EIF2AK1: variants seen among roughly 807,000 people sequenced by gnomAD.
EIF2AK1 encodes the protein eukaryotic translation initiation factor 2-alpha kinase 1.
EIF2AK1 carries 54 observed loss-of-function variants against 77.9 expected under a neutral mutation model. The observed-to-expected ratio is 0.69, with a 90% confidence interval of 0.56 to 0.87. The LOEUF is 0.87. Ranked by LOEUF, EIF2AK1 falls within the 40% of genes least tolerant of loss-of-function variation. The probability of loss-of-function intolerance (pLI) is 0.00; values close to 1 mark genes in which losing one functional copy is unlikely to be tolerated. For missense variants in EIF2AK1, 810 were observed against 768.6 expected (o/e 1.05, Z -0.64); for synonymous variants, 314 against 290.5 (o/e 1.08, Z -0.82).
Position 6,033,733 on chromosome 7 carries a change from C to A in EIF2AK1, c.1332+3691G>T, listed in dbSNP as rs894872478. Among the ~76,000 whole-genome samples the A allele has an allele frequency of 2.6e-5, 4 of 151,932 alleles. No homozygotes were observed. Among genetic ancestry groups the A allele is most frequent in the African/African-American group, 9.7e-5 (4 of 41,390 alleles). On this transcript the variant is annotated intron_variant, in intron 11 of 14. Transcript: ENST00000199389. The surrounding 1 kb of genome is among the most constrained non-coding windows in gnomAD (Gnocchi z 4.4). ...TACAGGCGCCTGCCACCACGCCTGGCTAATTTTTTGTATTTTTAGTAGAGA... is the reference window on the plus strand; with the variant it reads ...TACAGGCGCCTGCCACCACGCCTGGATAATTTTTTGTATTTTTAGTAGAGA...
At position 6,036,266 on chromosome 7, in the gene EIF2AK1, C is replaced by G; in HGVS notation, c.1332+1158G>C. 1 of 1,549,964 alleles carries G rather than the reference C, an allele frequency of 6.5e-7. No homozygotes were observed. Among genetic ancestry groups the G allele is most frequent in the Non-Finnish European group, 8.7e-7 (1 of 1,146,854 alleles). Reference sequence around the variant, plus strand: ...AAAAACCTTTATCCCTACAGGGTATCTGCAAAAGAAACATCAGGAATATTT... The same window carrying G: ...AAAAACCTTTATCCCTACAGGGTATGTGCAAAAGAAACATCAGGAATATTT... On this transcript the variant is annotated intron_variant, in intron 11 of 14. Transcript: ENST00000199389. This position sits in a 1 kb window ranked among gnomAD's most constrained non-coding sequence, Gnocchi z 4.6.
chr7:6,043,541 G>T (rs1158237825), intron 7 of EIF2AK1, among the ~76,000 whole-genome samples: 1 of 151,978 alleles, frequency 6.6e-6, no homozygotes, highest in Non-Finnish European at 1.5e-5. Context: ...TGATTCTGCT[G>T]CCTCAGCCTC....
chr7:6,042,323 G>A (rs564974411), intron 8 of EIF2AK1, among the ~76,000 whole-genome samples: 35 of 151,900 alleles, frequency 2.3e-4, no homozygotes, highest in Admixed American at 2.0e-3. Flanking sequence ...TGGTGGTGCA[G>A]GCCTATAATC....
chr7:6,056,607 A>T (rs1788771553), intron 1 of EIF2AK1, among the ~76,000 whole-genome samples: 1 of 27,302 alleles, frequency 3.7e-5, no homozygotes, highest in South Asian at 9.3e-4. Flanking sequence ...GGAAAAAAAA[A>T]AAAAAAATAT....
chr7:6,036,451 A>T lies in EIF2AK1; in HGVS notation c.1332+973T>A. 1.6e-6 allele frequency: 2 copies of T among 1,222,512 alleles called. No individual in the cohort carries two copies. Among genetic ancestry groups the T allele is most frequent in the Non-Finnish European group, 2.2e-6 (2 of 915,784 alleles). 75.7% of individuals were successfully genotyped at this position (1,222,512 alleles called of 1,614,324 possible). On this transcript the variant is annotated intron_variant, in intron 11 of 14. Coordinates refer to ENST00000199389, the MANE Select transcript of EIF2AK1 (RefSeq NM_014413.4). This position sits in a 1 kb window ranked among gnomAD's most constrained non-coding sequence, Gnocchi z 4.6. ...CACTCAAACTGCATTTTCTGGCTAG[A>T]CATGTCCCAGAAAATGCTTCACCTA...
chr7:6,056,613 A>AAAAAATATATATATATATATATAT, intron 1 of EIF2AK1, among the ~76,000 whole-genome samples: 3 of 43,738 alleles, frequency 6.9e-5, no homozygotes, highest in Non-Finnish European at 9.4e-5. Context: ...AAAAAAAAAA[A>AAAAAATATATATATATATATATAT]ATATATATAT....
rs1245566906 is a variant in EIF2AK1 at position 6,024,063 on chromosome 7, G to C, written c.*610C>G. On this transcript the variant is annotated 3_prime_UTR_variant, in exon 15 of 15. Transcript: ENST00000199389. Reference sequence around the variant, plus strand: ...GATCTGAGCTGCCTGGAGATCATCTGGGGTGCGGAGTACAAAGCTTTGCAA... The same window carrying C: ...GATCTGAGCTGCCTGGAGATCATCTCGGGTGCGGAGTACAAAGCTTTGCAA... The C allele has an allele frequency of 2.3e-6, 3 of 1,306,736 alleles. No individual in the cohort carries two copies. Among genetic ancestry groups the C allele is most frequent in the Non-Finnish European group, 3.0e-6 (3 of 1,001,154 alleles). 80.9% of individuals were successfully genotyped at this position (1,306,736 alleles called of 1,614,324 possible).
chr7:6,038,307 C>T (rs983783257), intron 10 of EIF2AK1, among the ~76,000 whole-genome samples: 1 of 152,082 alleles, frequency 6.6e-6, no homozygotes, highest in Non-Finnish European at 1.5e-5. Context: ...TAGTGGCATG[C>T]ACCTGTAGTC....
rs1160411494 is a variant in EIF2AK1 at position 6,023,404 on chromosome 7, A to G, written c.*1269T>C. Reference sequence around the variant, plus strand: ...GTTCTCTCTGTTTGGCCAGAAGCATAATGCTGTCAACGCAACCCTTATAGA... The same window carrying G: ...GTTCTCTCTGTTTGGCCAGAAGCATGATGCTGTCAACGCAACCCTTATAGA... On this transcript the variant is annotated 3_prime_UTR_variant, in exon 15 of 15. Transcript: ENST00000199389. 23 of 1,614,244 alleles carry G rather than the reference A, an allele frequency of 1.4e-5. No homozygotes were observed. Among genetic ancestry groups the G allele is most frequent in the Non-Finnish European group, 1.9e-5 (23 of 1,180,052 alleles).
chr7:6,058,029 A>G, intron 1 of EIF2AK1: 1 of 402,642 alleles, frequency 2.5e-6, no homozygotes, highest in Non-Finnish European at 4.9e-6. Context: ...GGACTCTTTC[A>G]CCTAGTTAGA....
intron 2 of EIF2AK1, among the ~76,000 whole-genome samples, chr7:6,051,265 TTTTC>T (rs1338451660): frequency 4.0e-5 from 6 of 150,612 alleles, no homozygotes; most frequent in Non-Finnish European, 3.0e-5. Flanking sequence ...GGACATTTTT[TTTTC>T]TTTCTTTTTT....
intron 7 of EIF2AK1, 111 bp from the exon 8 acceptor site, chr7:6,043,104 A>G: frequency 9.2e-7 from 1 of 1,092,082 alleles, no homozygotes; most frequent in Non-Finnish European, 1.3e-6. Flanking sequence ...AAGTCTAAAA[A>G]TGTCATGACC....
At chr7:6,058,848 C>T in intron 1 of EIF2AK1, 118 bp downstream of exon 1, 1 of 915,742 alleles carries the variant, frequency 1.1e-6, no homozygotes. Flanking sequence ...GCCGGTTCAA[C>T]CCTGGAGGCA....
At chr7:6,041,613 A>C (rs1023484551) in intron 8 of EIF2AK1, among the ~76,000 whole-genome samples, 1 of 151,956 alleles carries the variant, frequency 6.6e-6, no homozygotes, top group Non-Finnish European at 1.5e-5. Context: ...AGGCCAAGGC[A>C]GACAGATCAC....
chr7:6,054,035 T>C (rs1410299343), intron 2 of EIF2AK1, among the ~76,000 whole-genome samples: 1 of 151,968 alleles, frequency 6.6e-6, no homozygotes, highest in East Asian at 1.9e-4. Flanking sequence ...TCTGCTGTGC[T>C]ATCAAATACT....
intron 1 of EIF2AK1, among the ~76,000 whole-genome samples, chr7:6,056,598 G>GACAAAAAAAA (rs1788770384): frequency 2.0e-5 from 1 of 48,816 alleles, no homozygotes; most frequent in Non-Finnish European, 4.0e-5. Flanking sequence ...CATCTCAAGG[G>GACAAAAAAAA]AAAAAAAAAA....
rs1275484531 is a variant in EIF2AK1, at chr7:6,035,518, C to G, written c.1332+1906G>C. Reference sequence around the variant, plus strand: ...GTCACTTCCACCACGTGGGCAAAACCAGGCAACAGAACGCACAGGATCCTG... The same window carrying G: ...GTCACTTCCACCACGTGGGCAAAACGAGGCAACAGAACGCACAGGATCCTG... On this transcript the variant is annotated intron_variant, in intron 11 of 14. Coordinates refer to ENST00000199389, the MANE Select transcript of EIF2AK1 (RefSeq NM_014413.4). This position sits in a 1 kb window ranked among gnomAD's most constrained non-coding sequence, Gnocchi z 5.5. 1.3e-6 allele frequency: 2 copies of G among 1,551,204 alleles called. No homozygotes were observed. Among genetic ancestry groups the G allele is most frequent in the Non-Finnish European group, 1.7e-6 (2 of 1,147,130 alleles).
In EIF2AK1 at chr7:6,027,045, A is replaced by G. The variant is rs1203079143; in HGVS notation, c.1531-84T>C. The G allele has an allele frequency of 4.5e-6, 5 of 1,116,900 alleles. No homozygotes were observed. In the African/African-American group the frequency reaches 4.6e-5, roughly 10 times the overall value. 69.2% of individuals were successfully genotyped at this position (1,116,900 alleles called of 1,614,324 possible). ...CATTTCCGTGTTCCACCCTCCAAAC[A>G]GGAGAGGGTTTCTAAGAATGAGGAT... is the stretch of plus-strand genomic sequence containing the variant. On this transcript the variant is annotated intron_variant, in intron 13 of 14. Transcript: ENST00000199389. The surrounding 1 kb of genome is among the most constrained non-coding windows in gnomAD (Gnocchi z 4.5).
rs761683113 is a variant in EIF2AK1, at chr7:6,035,896, C to T, written c.1332+1528G>A. 7.4e-5 allele frequency: 115 copies of T among 1,546,310 alleles called. No individual in the cohort carries two copies. The highest frequency in any genetic ancestry group is 5.4e-4 in the South Asian group (45 of 83,356). ...AGCAAAGCAGGCCGACTCCTCGGGGCGGGGGTCAGCTGCATCCGTCTGCTA... is the reference window on the plus strand; with the variant it reads ...AGCAAAGCAGGCCGACTCCTCGGGGTGGGGGTCAGCTGCATCCGTCTGCTA... On this transcript the variant is annotated intron_variant, in intron 11 of 14. Transcript: ENST00000199389. This position sits in a 1 kb window ranked among gnomAD's most constrained non-coding sequence, Gnocchi z 5.5.
Sources: gnomAD v4.1 joint callset for allele counts (sites outside exome capture counted in the v4.1 genomes callset) on GRCh38, gnomAD v4.1.1 for gene constraint, Gnocchi (gnomAD v3.1) non-coding constraint, MANE v1.5 for transcripts, NCBI Gene and HGNC (gene_info 2026-07-23, HGNC 2026-07-21) for gene names.